Variants in PRKX observed in about 807,000 individuals in gnomAD.
The protein encoded by PRKX is cAMP-dependent protein kinase catalytic subunit PRKX.
PRKX carries 12 observed loss-of-function variants against 22.0 expected under a neutral mutation model. The ratio of observed to expected loss-of-function variants is 0.54; its 90% CI spans 0.35 to 0.88. The LOEUF is 0.88. Among genes scored for constraint, PRKX ranks in the 40% least tolerant of loss-of-function variants. The pLI is 0.01. For synonymous variants in PRKX, 134 were observed against 137.7 expected (o/e 0.97, Z 0.19); for missense variants, 217 against 308.0 (o/e 0.70, Z 2.21).
chrX:3,706,225 C>T, intron 1 of PRKX, among the ~76,000 whole-genome samples: 1 of 110,889 alleles, frequency 9.0e-6, no homozygotes. Context: ...TGCTCTGTTG[C>T]CCAGGCTGGA....
intron 1 of PRKX, among the ~76,000 whole-genome samples, chrX:3,685,669 G>T (rs1012288397): frequency 9.0e-6 from 1 of 110,706 alleles, no homozygotes; most frequent in African/African-American, 3.3e-5. Context: ...CACTTCAAAT[G>T]GGTGATTTTG....
intron 4 of PRKX, among the ~76,000 whole-genome samples, chrX:3,627,093 C>A (rs1926674237): frequency 9.0e-6 from 1 of 111,197 alleles, no homozygotes; most frequent in South Asian, 3.8e-4. Flanking sequence ...CATCTCAACC[C>A]AATTAAGACG....
At chrX:3,630,663 CA>C (rs1292859839) in intron 4 of PRKX, among the ~76,000 whole-genome samples, 4 of 111,987 alleles carry the variant, frequency 3.6e-5, no homozygotes, top group African/African-American at 6.5e-5. Context: ...GAAGGGGAAG[CA>C]AGGCACATTT....
At position 3,604,474 on chromosome X, in the gene PRKX, G is replaced by C. The variant is rs1263209124; in HGVS notation, c.*4495C>G. The C allele has an allele frequency of 1.8e-5, 2 of 112,371 alleles. No homozygotes were observed. The highest frequency in any genetic ancestry group is 5.6e-4 in the East Asian group (2 of 3,561). 9.3% of individuals were successfully genotyped at this position (112,371 alleles called of 1,213,427 possible). On this transcript the variant is annotated 3_prime_UTR_variant, in exon 9 of 9. Coordinates refer to ENST00000262848, the MANE Select transcript of PRKX (RefSeq NM_005044.5). ...TCCTAGGGCATATGTACAAATCACA[G>C]TGATTTCCATTGTGCAACAAACAGA... is the stretch of plus-strand genomic sequence containing the variant.
chrX:3,701,986 T>C (rs907196946), intron 1 of PRKX, among the ~76,000 whole-genome samples: 6 of 112,209 alleles, frequency 5.3e-5, no homozygotes, highest in African/African-American at 1.6e-4. Flanking sequence ...AGCCACTCTG[T>C]CTATGGAGGA....
intron 2 of PRKX, among the ~76,000 whole-genome samples, chrX:3,673,160 C>T (rs1485607984): frequency 9.0e-6 from 1 of 111,238 alleles, no homozygotes; most frequent in African/African-American, 3.3e-5. Context: ...ATGGGAGGCA[C>T]CCTGTGTCCC....
intron 7 of PRKX, among the ~76,000 whole-genome samples, chrX:3,614,559 TG>T (rs1195956824): frequency 9.0e-6 from 1 of 111,517 alleles, no homozygotes; most frequent in Non-Finnish European, 1.9e-5. Context: ...CACTCATATG[TG>T]GGAGCTAAAA....
intron 4 of PRKX, among the ~76,000 whole-genome samples, chrX:3,627,850 T>C (rs1441282469): frequency 9.0e-6 from 1 of 110,556 alleles, no homozygotes; most frequent in Non-Finnish European, 1.9e-5. Flanking sequence ...TCAGAAAAGC[T>C]AGAAATAGAA....
At chrX:3,688,151 A>G (rs1320897614) in intron 1 of PRKX, among the ~76,000 whole-genome samples, 1 of 106,878 alleles carries the variant, frequency 9.4e-6, no homozygotes, top group Non-Finnish European at 1.9e-5. Context: ...AACAAACAAA[A>G]AAGGTAAAAC....
In PRKX at chrX:3,688,749, G is replaced by A. The variant is rs375207914; in HGVS notation, c.167-13983C>T. ...CCGGGTGTGGTGGTATGCTCCAGTA[G>A]TCCCAGCTACTCATGAGGCAGAGAT... On this transcript the variant is annotated intron_variant, in intron 1 of 8. Transcript: ENST00000262848. Among the ~76,000 whole-genome samples the A allele has an allele frequency of 3.7e-5, 4 of 108,882 alleles. No homozygotes were observed. In the South Asian group the frequency reaches 1.6e-3, roughly 45 times the overall value. 94.6% of individuals were successfully genotyped at this position (108,882 alleles called of 115,157 possible). A position where few individuals can be genotyped will look rare whatever the true frequency, so the allele number is the denominator to read the frequency against.
chrX:3,686,578 GAC>G (rs1928183437), intron 1 of PRKX, among the ~76,000 whole-genome samples: 1 of 104,927 alleles, frequency 9.5e-6, no homozygotes, highest in Non-Finnish European at 1.9e-5. Context: ...TTTTTTTTGA[GAC>G]AGAGTCTCAT....
chrX:3,626,475 A>G lies in PRKX; in HGVS notation c.759T>C (p.Tyr253=). 1 of 1,211,263 alleles carries G rather than the reference A, an allele frequency of 8.3e-7. No homozygotes were observed. The highest frequency in any genetic ancestry group is 3.0e-5 in the East Asian group (1 of 33,859). ...CTATTTTGCCTGCAAGAATTTTCTG[A>G]TAAATGCCAAACGGGTTGTCATCAA... The part of the protein sequence containing the change: ...PFFDDNPFGI[Y]QKILAGKIDF... The change falls in exon 5 of 9, where the codon TAT becomes TAC. Residue 253 remains tyrosine (Y), a synonymous_variant. Transcript: ENST00000262848.
chrX:3,697,081 C>T (rs1224146714), intron 1 of PRKX, among the ~76,000 whole-genome samples: 1 of 110,985 alleles, frequency 9.0e-6, no homozygotes, highest in Non-Finnish European at 1.9e-5. Context: ...TCACCAGGCA[C>T]AGTGGCTCAT....
chrX:3,616,629 G>A (rs1191441068), intron 6 of PRKX, among the ~76,000 whole-genome samples: 4 of 112,052 alleles, frequency 3.6e-5, no homozygotes, highest in Admixed American at 1.9e-4. Flanking sequence ...TGAATTTAAC[G>A]CGTCTATCAG....
chrX:3,619,306 G>C (rs1392293761), intron 6 of PRKX, among the ~76,000 whole-genome samples: 2 of 111,422 alleles, frequency 1.8e-5, no homozygotes, highest in African/African-American at 6.5e-5. Flanking sequence ...GAGCCCCCAG[G>C]AGCTGGGAGA....
At chrX:3,708,018 T>C (rs935607242) in intron 1 of PRKX, among the ~76,000 whole-genome samples, 1 of 112,150 alleles carries the variant, frequency 8.9e-6, no homozygotes, top group African/African-American at 3.2e-5. Flanking sequence ...AGGGTGGGGA[T>C]GCCGTGGACT....
At chrX:3,688,966 A>G (rs1445095102) in intron 1 of PRKX, among the ~76,000 whole-genome samples, 1 of 111,613 alleles carries the variant, frequency 9.0e-6, no homozygotes, top group African/African-American at 3.3e-5. Flanking sequence ...AGACACATTA[A>G]TATGGGCACC....
In PRKX at chrX:3,606,306, T is replaced by C. The variant is rs866479122; in HGVS notation, c.*2663A>G. The C allele has an allele frequency of 8.9e-6, 1 of 112,168 alleles. No individual in the cohort carries two copies. The highest frequency in any genetic ancestry group is 9.4e-5 in the Admixed American group (1 of 10,682). 9.2% of individuals were successfully genotyped at this position (112,168 alleles called of 1,213,427 possible). On this transcript the variant is annotated 3_prime_UTR_variant, in exon 9 of 9. Coordinates refer to ENST00000262848, the MANE Select transcript of PRKX (RefSeq NM_005044.5). ...TTTCGTGATCATCCATGCGGACATT[T>C]CGCACCGTGATTGTTTCGTGATCGT...
chrX:3,664,824 G>A (rs1030632562), intron 2 of PRKX, among the ~76,000 whole-genome samples: 2 of 111,907 alleles, frequency 1.8e-5, no homozygotes, highest in Non-Finnish European at 3.8e-5. Context: ...GGGAAGGCTG[G>A]GAAGGGGTTG....
Sources: gnomAD v4.1 joint callset for allele counts (sites outside exome capture counted in the v4.1 genomes callset) on GRCh38, gnomAD v4.1.1 for gene constraint, MANE v1.5 for transcripts, NCBI Gene and HGNC (gene_info 2026-07-23, HGNC 2026-07-21) for gene names.